HHAT: variants seen among roughly 807,000 people sequenced by gnomAD.
HHAT encodes the protein hedgehog acyltransferase.
Under a neutral mutation model 70.8 loss-of-function variants are expected in HHAT, and 47 were observed. The observed-to-expected ratio is 0.66, with a 90% confidence interval of 0.53 to 0.85. HHAT has a LOEUF of 0.85. HHAT is among the 40% of genes least tolerant of loss of function. HHAT has a pLI of 0.00. For missense variants in HHAT, 609 were observed against 604.8 expected, an observed-to-expected ratio of 1.01 and a Z score of -0.07; for synonymous variants, 228 against 247.6, an observed-to-expected ratio of 0.92 and a Z score of 0.74.
chr1:210,339,036 C>T (rs2085764427), intron 1 of HHAT, among the ~76,000 whole-genome samples: 1 of 151,914 alleles, frequency 6.6e-6, no homozygotes, highest in South Asian at 2.1e-4. Flanking sequence ...AGAGTGGGAC[C>T]CTGTCTCAAA....
chr1:210,384,319 G>A (rs1210013626), intron 3 of HHAT, among the ~76,000 whole-genome samples: 1 of 152,154 alleles, frequency 6.6e-6, no homozygotes, highest in African/African-American at 2.4e-5. Context: ...TGAGTGTTAG[G>A]TAGCAGCTTC....
chr1:210,577,637 ATTTTTTTTTTTT>A (rs1192626068), intron 9 of HHAT, among the ~76,000 whole-genome samples: 5 of 60,206 alleles, frequency 8.3e-5, no homozygotes, highest in Non-Finnish European at 1.3e-4. Context: ...GGCCTGTAGG[ATTTTTTTTTTTT>A]TTTTTTTTTT....
intron 7 of HHAT, among the ~76,000 whole-genome samples, chr1:210,449,940 A>G (rs781617287): frequency 6.6e-6 from 1 of 152,246 alleles, no homozygotes; most frequent in South Asian, 2.1e-4. Context: ...GGGAGGATGC[A>G]TCCACAGTTC....
intron 11 of HHAT, among the ~76,000 whole-genome samples, chr1:210,631,404 A>T (rs1670840150): frequency 6.6e-6 from 1 of 152,250 alleles, no homozygotes; most frequent in Non-Finnish European, 1.5e-5. Context: ...CTGATAGACC[A>T]GCTTGAGGCT....
intron 3 of HHAT, among the ~76,000 whole-genome samples, chr1:210,385,252 C>T (rs373893785): frequency 6.3e-4 from 88 of 138,838 alleles, no homozygotes; most frequent in Non-Finnish European, 7.5e-4. Context: ...ATATGTTTTT[C>T]TTTTTTTTTT....
chr1:210,384,513 T>G (rs561741638), intron 3 of HHAT, among the ~76,000 whole-genome samples: 7 of 152,184 alleles, frequency 4.6e-5, no homozygotes, highest in Admixed American at 2.0e-4. Context: ...CCACCCTTGA[T>G]TGACTGCATC....
chr1:210,541,881 C>T (rs59289142), intron 9 of HHAT, among the ~76,000 whole-genome samples: 28,552 of 152,116 alleles, frequency 0.19, 3,257 homozygotes, highest in Middle Eastern at 0.29. Context: ...CTGCCCAGTG[C>T]CCCAGGCCGA....
intron 9 of HHAT, among the ~76,000 whole-genome samples, chr1:210,520,424 AT>A (rs954368400): frequency 2.0e-5 from 3 of 151,158 alleles, no homozygotes; most frequent in Admixed American, 6.6e-5. Flanking sequence ...GGTTTTGTAG[AT>A]TTTTTTTCCT....
intron 9 of HHAT, among the ~76,000 whole-genome samples, chr1:210,570,621 A>G (rs1656041086): frequency 6.6e-6 from 1 of 152,190 alleles, no homozygotes. Context: ...GATAGGCATC[A>G]GGCTAAAAAG....
chr1:210,452,602 G>C (rs914111891), intron 7 of HHAT, among the ~76,000 whole-genome samples: 1 of 152,172 alleles, frequency 6.6e-6, no homozygotes, highest in Non-Finnish European at 1.5e-5. Flanking sequence ...TTGAACTTCA[G>C]AATCTTCTAA....
At chr1:210,423,964 T>C (rs932868416) in intron 7 of HHAT, among the ~76,000 whole-genome samples, 3 of 152,190 alleles carry the variant, frequency 2.0e-5, no homozygotes, top group African/African-American at 7.2e-5. Flanking sequence ...TTTTGAGGTC[T>C]GGCAGTGTTC....
chr1:210,345,976 A>G (rs2086483376), intron 1 of HHAT, among the ~76,000 whole-genome samples: 1 of 151,616 alleles, frequency 6.6e-6, no homozygotes, highest in Non-Finnish European at 1.5e-5. Flanking sequence ...AGGCAGGAGA[A>G]TTGCTTGAGC....
At chr1:210,448,314 T>A (rs1234192387) in intron 7 of HHAT, among the ~76,000 whole-genome samples, 1 of 152,090 alleles carries the variant, frequency 6.6e-6, no homozygotes, top group East Asian at 1.9e-4. Context: ...ACTCCTGACC[T>A]CAGGTGATCT....
At chr1:210,408,105 C>T (rs766635035) in intron 6 of HHAT, among the ~76,000 whole-genome samples, 1 of 152,156 alleles carries the variant, frequency 6.6e-6, no homozygotes, top group Non-Finnish European at 1.5e-5. Context: ...TAGTGCCTCC[C>T]TCAGGATTGC....
chr1:210,373,124 A>T (rs976222700), intron 3 of HHAT, among the ~76,000 whole-genome samples: 1 of 152,176 alleles, frequency 6.6e-6, no homozygotes, highest in East Asian at 1.9e-4. Context: ...GATACTTTCA[A>T]TGTTAAGAAC....
chr1:210,411,545 G>A (rs368642858), intron 6 of HHAT, among the ~76,000 whole-genome samples: 112 of 152,202 alleles, frequency 7.4e-4, no homozygotes, highest in African/African-American at 2.7e-3. Flanking sequence ...CTTGAGACCA[G>A]GAGTTCGAGA....
rs370519450 is a variant in HHAT at position 210,638,023 on chromosome 1, A to G, written c.1390+14353A>G. ...CTACTTCACAGCTACTCAGATGGCT[A>G]TAATAACAAAAAATGGAAAATAACA... On this transcript the variant is annotated intron_variant, in intron 11 of 11. Transcript: ENST00000261458. Among the ~76,000 whole-genome samples the G allele has an allele frequency of 1.3e-3, 196 of 152,354 alleles. 1 individual carries two copies. Among genetic ancestry groups the G allele is most frequent in the South Asian group, 3.5e-3 (17 of 4,826 alleles).
At chr1:210,425,385 C>G (rs539080372) in intron 7 of HHAT, among the ~76,000 whole-genome samples, 4 of 152,258 alleles carry the variant, frequency 2.6e-5, no homozygotes, top group African/African-American at 9.6e-5. Flanking sequence ...GTTGCAATTG[C>G]TTTTGTCCTC....
At chr1:210,661,605 T>C (rs1677732529) in intron 11 of HHAT, among the ~76,000 whole-genome samples, 2 of 152,386 alleles carry the variant, frequency 1.3e-5, no homozygotes, top group East Asian at 3.9e-4. Context: ...TGCACACGTA[T>C]GTTTATTGCG....
Sources: allele counts gnomAD v4.1 joint callset (sites outside exome capture counted in the v4.1 genomes callset), GRCh38; gene constraint gnomAD v4.1.1; transcripts MANE v1.5; gene names NCBI Gene and HGNC (gene_info 2026-07-23, HGNC 2026-07-21).